The following FAM151B variants were observed in gnomAD, a reference collection of about 807,000 sequenced individuals.
FAM151B encodes the protein protein FAM151B.
In FAM151B, 24 loss-of-function variants were observed where a neutral mutation model predicts 31.2. That is an observed-to-expected ratio of 0.77 (90% CI 0.56 to 1.08). The LOEUF (loss-of-function observed/expected upper bound fraction) is 1.08, where lower values mean the gene tolerates loss of function less well. Ranked by LOEUF, FAM151B falls within the 50% of genes least tolerant of loss-of-function variation. The pLI, the probability that FAM151B is intolerant of heterozygous loss-of-function variation, is 0.00. For missense variants in FAM151B, 293 were observed against 328.6 expected (o/e 0.89, Z 0.84); for synonymous variants, 105 against 111.4 (o/e 0.94, Z 0.36).
intron 2 of FAM151B, among the ~76,000 whole-genome samples, chr5:80,504,786 G>A (rs1216148990): frequency 2.0e-5 from 3 of 152,080 alleles, no homozygotes; most frequent in East Asian, 3.8e-4. Context: ...CCAAAGTGCT[G>A]GGATTAGACT....
intron 1 of FAM151B, among the ~76,000 whole-genome samples, chr5:80,492,115 A>G (rs980011706): frequency 1.3e-5 from 2 of 152,070 alleles, no homozygotes; most frequent in Admixed American, 1.3e-4. Flanking sequence ...GATACATGCC[A>G]TTGTACAAGC....
At chr5:80,530,601 CAGAG>C (rs1246174151) in intron 5 of FAM151B, among the ~76,000 whole-genome samples, 2 of 152,238 alleles carry the variant, frequency 1.3e-5, no homozygotes, top group African/African-American at 4.8e-5. Context: ...AACAGGCAAA[CAGAG>C]AGCCAAATCA....
intron 1 of FAM151B, 43 bp from the exon 2 acceptor site, chr5:80,501,749 A>G (rs2112606876): frequency 6.6e-7 from 1 of 1,504,470 alleles, no homozygotes; most frequent in Non-Finnish European, 9.0e-7. Context: ...ATTTTACCCT[A>G]TAAAAAACAA....
chr5:80,495,830 C>CAA (rs3072031), intron 1 of FAM151B, among the ~76,000 whole-genome samples: 1 of 88,104 alleles, frequency 1.1e-5, no homozygotes, highest in Non-Finnish European at 2.0e-5. Context: ...GACTCCGTCT[C>CAA]AAAAAAAAAA....
intron 2 of FAM151B, among the ~76,000 whole-genome samples, chr5:80,505,298 C>A (rs1019454577): frequency 1.3e-5 from 2 of 151,636 alleles, no homozygotes; most frequent in Admixed American, 6.6e-5. Context: ...CCACACCCAG[C>A]CATTTTGTTA....
intron 4 of FAM151B, among the ~76,000 whole-genome samples, chr5:80,521,763 C>T (rs1176830979): frequency 6.6e-6 from 1 of 151,806 alleles, no homozygotes; most frequent in Non-Finnish European, 1.5e-5. Context: ...TTTTTAGTGC[C>T]TTAATGTTTT....
At chr5:80,496,470 A>C (rs2112599236) in intron 1 of FAM151B, among the ~76,000 whole-genome samples, 1 of 152,340 alleles carries the variant, frequency 6.6e-6, no homozygotes, top group Non-Finnish European at 1.5e-5. Flanking sequence ...GTACTGGGAA[A>C]CCAAAAATTG....
At chr5:80,529,512 G>T (rs1446376169) in intron 5 of FAM151B, among the ~76,000 whole-genome samples, 1 of 152,126 alleles carries the variant, frequency 6.6e-6, no homozygotes, top group African/African-American at 2.4e-5. Context: ...AAGAAGAAAA[G>T]AGAGAAGAAT....
intron 1 of FAM151B, chr5:80,500,392 G>T: frequency 8.1e-7 from 1 of 1,232,996 alleles, no homozygotes; most frequent in African/African-American, 1.5e-5. Context: ...TTAAGAAAAA[G>T]CAAGGGAATT....
In FAM151B at chr5:80,542,429, G is replaced by C. The variant is rs1202305329; in HGVS notation, c.*597G>C. On this transcript the variant is annotated 3_prime_UTR_variant, in exon 6 of 6. Transcript: ENST00000282226. Reference sequence around the variant, plus strand: ...TTTTTTTATATTTCTTATTTCTATAGTATCTGATTTATAGTGGACAATATA... The same window carrying C: ...TTTTTTTATATTTCTTATTTCTATACTATCTGATTTATAGTGGACAATATA... 1 of 151,900 alleles carries C rather than the reference G, an allele frequency of 6.6e-6. No homozygotes were observed. The highest frequency in any genetic ancestry group is 2.4e-5 in the African/African-American group (1 of 41,340). 9.4% of individuals were successfully genotyped at this position (151,900 alleles called of 1,614,324 possible).
rs1256954562 is a variant in FAM151B, at chr5:80,538,450, C to CTTTCTTTG, written c.672-3216_672-3215insGTTTCTTT. On this transcript the variant is annotated intron_variant, in intron 5 of 5. Transcript: ENST00000282226. The stretch of plus-strand genomic sequence containing the variant: ...TTTCTTTCTTTCTTTCTTTCTTTCT[C>CTTTCTTTG]TTTCTTTCTTTCTTTCTTTCTTTCT... Among the ~76,000 whole-genome samples, 294 of 69,778 alleles carry CTTTCTTTG rather than the reference C, an allele frequency of 4.2e-3. 1 individual carries two copies. Among genetic ancestry groups the CTTTCTTTG allele is most frequent in the Middle Eastern group, 0.02 (3 of 152 alleles). 45.8% of individuals were successfully genotyped at this position (69,778 alleles called of 152,430 possible). A position where few individuals can be genotyped will look rare whatever the true frequency, so the allele number is the denominator to read the frequency against.
At chr5:80,521,081 T>G (rs1744685180) in intron 4 of FAM151B, among the ~76,000 whole-genome samples, 1 of 149,452 alleles carries the variant, frequency 6.7e-6, no homozygotes, top group Non-Finnish European at 1.5e-5. Context: ...CCTCCCAAAG[T>G]GCTGGGATTA....
chr5:80,511,435 C>CAA (rs57587683), intron 2 of FAM151B, among the ~76,000 whole-genome samples: 141 of 53,718 alleles, frequency 2.6e-3, no homozygotes, highest in Non-Finnish European at 3.1e-3. Flanking sequence ...GACTCTGTCT[C>CAA]AAAAAAAAAA....
intron 5 of FAM151B, among the ~76,000 whole-genome samples, chr5:80,537,451 C>A (rs1424765819): frequency 2.0e-5 from 3 of 152,186 alleles, no homozygotes; most frequent in Admixed American, 6.5e-5. Flanking sequence ...CGTCTATTCT[C>A]AGATTTTGTG....
Position 80,517,079 on chromosome 5 carries a change from C to T in FAM151B, c.318-2614C>T, listed in dbSNP as rs552449396. 3.3e-5 allele frequency among the ~76,000 whole-genome samples: 5 copies of T among 152,144 alleles called. No individual in the cohort carries two copies. In the East Asian group the frequency reaches 7.7e-4, roughly 23 times the overall value. ...GCCCACCTGTTAGTCACTTAATAGC[C>T]GTCACAGTTATCAGATTGACAGATC... On this transcript the variant is annotated intron_variant, in intron 3 of 5. Coordinates refer to ENST00000282226, the MANE Select transcript of FAM151B (RefSeq NM_205548.3).
chr5:80,494,549 G>C (rs1450410066), intron 1 of FAM151B, among the ~76,000 whole-genome samples: 2 of 147,274 alleles, frequency 1.4e-5, no homozygotes, highest in Admixed American at 1.4e-4. Context: ...GTCTCCCTCT[G>C]TAACACAGGC....
intron 1 of FAM151B, among the ~76,000 whole-genome samples, chr5:80,496,942 C>G (rs996273686): frequency 9.3e-5 from 14 of 150,698 alleles, no homozygotes; most frequent in Non-Finnish European, 1.5e-5. Context: ...TCCTGAGTAG[C>G]TGGGACTACA....
chr5:80,536,240 G>A (rs897248547), intron 5 of FAM151B, among the ~76,000 whole-genome samples: 4 of 151,978 alleles, frequency 2.6e-5, no homozygotes, highest in Non-Finnish European at 2.9e-5. Flanking sequence ...GCGTGATCTC[G>A]GCTCACTGCA....
At chr5:80,504,422 T>C (rs1182742376) in intron 2 of FAM151B, among the ~76,000 whole-genome samples, 3 of 152,062 alleles carry the variant, frequency 2.0e-5, no homozygotes, top group Non-Finnish European at 2.9e-5. Context: ...GAACATACTT[T>C]ACATGGGCCC....
Sources: gnomAD v4.1 joint callset for allele counts (sites outside exome capture counted in the v4.1 genomes callset) on GRCh38, gnomAD v4.1.1 for gene constraint, MANE v1.5 for transcripts, NCBI Gene and HGNC (gene_info 2026-07-23, HGNC 2026-07-21) for gene names.